Variants in STK10 observed in about 807,000 individuals in gnomAD.
The protein encoded by STK10 is serine/threonine kinase 10, also known as serine/threonine-protein kinase 10.
A neutral mutation model predicts 113.8 loss-of-function variants in STK10; 78 were observed. The ratio of observed to expected loss-of-function variants is 0.69; its 90% CI spans 0.57 to 0.83. The LOEUF is 0.83. STK10 is among the 40% of genes least tolerant of loss of function. The pLI is 0.00. For synonymous variants in STK10, 465 were observed against 494.7 expected, an observed-to-expected ratio of 0.94 and a Z score of 0.80; for missense variants, 1,109 against 1,280.1, an observed-to-expected ratio of 0.87 and a Z score of 2.04.
chr5:172,067,371 G>GAATAAATAAATA (rs59853296), intron 12 of STK10, among the ~76,000 whole-genome samples: 1 of 147,056 alleles, frequency 6.8e-6, no homozygotes, highest in East Asian at 2.0e-4. Context: ...TAAATAAATA[G>GAATAAATAAATA]AATAAATAAA....
chr5:172,173,076 A>C (rs1285021724), intron 1 of STK10, among the ~76,000 whole-genome samples: 3 of 152,138 alleles, frequency 2.0e-5, no homozygotes, highest in Admixed American at 1.3e-4. Context: ...ATGGTCCTGC[A>C]GCCAGACCAG....
At chr5:172,090,824 A>G (rs1222004435) in intron 9 of STK10, among the ~76,000 whole-genome samples, 1 of 150,742 alleles carries the variant, frequency 6.6e-6, no homozygotes, top group Non-Finnish European at 1.5e-5. Context: ...AATCACAGCT[A>G]CTTGGGAGGC....
In STK10 at chr5:172,126,180, A is replaced by G. The variant is rs142412692; in HGVS notation, c.370+1193T>C. ...TAGCATGAGCCGGGGATGCTGCAGG[A>G]TGGGCCATGGTCCATGGTTAGGAGC... On this transcript the variant is annotated intron_variant, in intron 3 of 18. Coordinates refer to ENST00000176763, the MANE Select transcript of STK10 (RefSeq NM_005990.4). Among the ~76,000 whole-genome samples the G allele has an allele frequency of 5.3e-5, 8 of 152,300 alleles. No individual in the cohort carries two copies. The East Asian group carries it at 1.5e-3, about 29-fold the overall frequency.
intron 1 of STK10, among the ~76,000 whole-genome samples, chr5:172,160,372 G>A (rs953509147): frequency 3.3e-5 from 5 of 150,772 alleles, no homozygotes; most frequent in Non-Finnish European, 7.4e-5. Context: ...CTACTCAAGA[G>A]GCTGATGTGG....
At chr5:172,079,413 A>ATCTC (rs1401268451) in intron 12 of STK10, among the ~76,000 whole-genome samples, 1 of 152,134 alleles carries the variant, frequency 6.6e-6, no homozygotes, top group African/African-American at 2.4e-5. Context: ...ATCTCTCCAG[A>ATCTC]TCTCTAGTCA....
chr5:172,182,877 G>A (rs1770888077), intron 1 of STK10, among the ~76,000 whole-genome samples: 1 of 151,986 alleles, frequency 6.6e-6, no homozygotes, highest in African/African-American at 2.4e-5. Flanking sequence ...TGGTGGAGAT[G>A]GGGTTTCGTC....
At chr5:172,182,705 C>G (rs549205285) in intron 1 of STK10, among the ~76,000 whole-genome samples, 1 of 151,954 alleles carries the variant, frequency 6.6e-6, no homozygotes, top group Admixed American at 6.6e-5. Context: ...AGGCGCCCAC[C>G]ACCACGCCTG....
rs887048490 is a variant in STK10, at chr5:172,180,429, C to T, written c.156+7458G>A. ...GCAGTAAGCCGAGTTCGTGCCACTG[C>T]ACTCCAGCCTGGGCGACAGAGCAAG... On this transcript the variant is annotated intron_variant, in intron 1 of 18. Transcript: ENST00000176763. Among the ~76,000 whole-genome samples, 3 of 152,148 alleles carry T rather than the reference C, an allele frequency of 2.0e-5. No individual in the cohort carries two copies. In the South Asian group the frequency reaches 6.2e-4, roughly 31 times the overall value.
chr5:172,073,847 C>T (rs974641411), intron 12 of STK10, among the ~76,000 whole-genome samples: 91 of 149,392 alleles, frequency 6.1e-4, no homozygotes, highest in African/African-American at 2.1e-3. Context: ...CACCTGTAAT[C>T]CCAGCTACCT....
chr5:172,136,334 C>T (rs1045333241), intron 2 of STK10, among the ~76,000 whole-genome samples: 8 of 152,162 alleles, frequency 5.3e-5, no homozygotes, highest in Admixed American at 3.3e-4. Context: ...CAGTGGCTCA[C>T]GCCTGTCATC....
At chr5:172,057,164 C>T in intron 15 of STK10, 185 bp downstream of exon 15, 1 of 741,786 alleles carries the variant, frequency 1.3e-6, no homozygotes, top group South Asian at 1.8e-5. Flanking sequence ...TTCCTAGCCC[C>T]TTGAGCTGAA....
chr5:172,086,526 G>C (rs959426935), intron 10 of STK10, among the ~76,000 whole-genome samples: 1 of 152,208 alleles, frequency 6.6e-6, no homozygotes, highest in Non-Finnish European at 1.5e-5. Flanking sequence ...GCTCAAGAGC[G>C]AGGGAACGGC....
At chr5:172,060,615 G>T (rs1311908482) in intron 14 of STK10, among the ~76,000 whole-genome samples, 1 of 152,206 alleles carries the variant, frequency 6.6e-6, no homozygotes, top group Non-Finnish European at 1.5e-5. Context: ...TGTGGGAAAT[G>T]AATGTCTGTT....
chr5:172,114,467 ATATATATTTTTTTTTTTT>A (rs1419563892), intron 4 of STK10: 5 of 34,798 alleles, frequency 1.4e-4, no homozygotes, highest in African/African-American at 5.6e-4. Context: ...ATATATATAT[ATATATATTTTTTTTTTTT>A]TTTTTTTTTT....
chr5:172,124,180 C>T (rs1769573229), intron 3 of STK10, among the ~76,000 whole-genome samples: 2 of 152,166 alleles, frequency 1.3e-5, no homozygotes, highest in South Asian at 2.1e-4. Context: ...CCACCTGCCT[C>T]GGCCTCCCAA....
intron 18 of STK10, among the ~76,000 whole-genome samples, chr5:172,052,120 T>C (rs1767642133): frequency 6.6e-6 from 1 of 152,144 alleles, no homozygotes; most frequent in Admixed American, 6.5e-5. Flanking sequence ...CCTGATTTAA[T>C]CACATGAGCA....
chr5:172,055,232 C>G (rs1312280494), intron 16 of STK10, among the ~76,000 whole-genome samples: 1 of 152,206 alleles, frequency 6.6e-6, no homozygotes. Context: ...TGGAGTCTCG[C>G]TCTGTTGCCC....
chr5:172,140,084 T>C (rs902388918), intron 2 of STK10, among the ~76,000 whole-genome samples: 4 of 146,344 alleles, frequency 2.7e-5, no homozygotes, highest in Non-Finnish European at 5.9e-5. Flanking sequence ...TGCAACTTGA[T>C]TGCAAAAAAA....
intron 15 of STK10, chr5:172,057,004 G>GAAAGAAAGAAAGAAAGAAAGAAAGA (rs1554115578): frequency 1.4e-5 from 1 of 73,394 alleles, no homozygotes; most frequent in African/African-American, 5.1e-5. Flanking sequence ...AGAGAAAGAA[G>GAAAGAAAGAAAGAAAGAAAGAAAGA]GAAAGAAAGA....
Sources: gnomAD v4.1 joint callset for allele counts (sites outside exome capture counted in the v4.1 genomes callset) on GRCh38, gnomAD v4.1.1 for gene constraint, MANE v1.5 for transcripts, NCBI Gene and HGNC (gene_info 2026-07-23, HGNC 2026-07-21) for gene names.